Variants in BMX observed in about 807,000 individuals in gnomAD.
BMX encodes the protein cytoplasmic tyrosine-protein kinase BMX.
In BMX, 31 loss-of-function variants were observed where a neutral mutation model predicts 59.2. That is an observed-to-expected ratio of 0.52 (90% CI 0.39 to 0.71). The LOEUF is 0.71. BMX is among the 30% of genes least tolerant of loss of function. The pLI is 0.00. For missense variants in BMX, 474 were observed against 491.7 expected (o/e 0.96, Z 0.34); for synonymous variants, 185 against 181.0 (o/e 1.02, Z -0.18).
chrX:15,522,253 C>G lies in BMX; in HGVS notation c.511-93C>G, dbSNP rs1924493868. On this transcript the variant is annotated intron_variant, in intron 6 of 18. Coordinates refer to ENST00000348343, the MANE Select transcript of BMX (RefSeq NM_203281.3). The stretch of plus-strand genomic sequence containing the variant: ...TCCCTCCCTTCTCTCCTTCCTTTCT[C>G]TCTCTTTCAAGAGCTGATATACTTA... 1.9e-5 allele frequency: 19 copies of G among 1,017,873 alleles called. No individual in the cohort carries two copies. In the South Asian group the frequency reaches 3.5e-4, roughly 19 times the overall value. The allele number at this position is 1,017,873 out of a possible 1,213,427, so 83.9% of individuals were successfully genotyped here.
chrX:15,527,283 T>TATATATATATACAC (rs1285065649), intron 9 of BMX, among the ~76,000 whole-genome samples: 5 of 65,866 alleles, frequency 7.6e-5, no homozygotes, highest in Non-Finnish European at 1.1e-4. Flanking sequence ...TATATATATA[T>TATATATATATACAC]ACACACACAC....
intron 11 of BMX, among the ~76,000 whole-genome samples, chrX:15,533,555 C>G (rs778242377): frequency 8.9e-6 from 1 of 112,538 alleles, no homozygotes; most frequent in South Asian, 3.7e-4. Context: ...GAACTAAACT[C>G]AAAGCCTGGT....
intron 7 of BMX, among the ~76,000 whole-genome samples, chrX:15,524,673 T>A (rs1454164079): frequency 1.8e-5 from 2 of 112,033 alleles, no homozygotes; most frequent in Non-Finnish European, 3.8e-5. Context: ...AGGAAACTTG[T>A]TTCTATGAAC....
chrX:15,545,002 A>G (rs1011254732), intron 16 of BMX, among the ~76,000 whole-genome samples: 2 of 111,802 alleles, frequency 1.8e-5, no homozygotes, highest in African/African-American at 3.3e-5. Context: ...ATTAAGAGTC[A>G]TTATGTGTTT....
chrX:15,522,850 A>G (rs985637236), intron 7 of BMX, among the ~76,000 whole-genome samples: 2 of 111,881 alleles, frequency 1.8e-5, no homozygotes, highest in African/African-American at 3.3e-5. Context: ...TCTCCCCCCA[A>G]ATATCTCCAC....
At chrX:15,515,982 C>A (rs1017926538) in intron 4 of BMX, 130 bp from the exon 5 acceptor site, 1 of 882,245 alleles carries the variant, frequency 1.1e-6, no homozygotes, top group Non-Finnish European at 1.6e-6. Flanking sequence ...CCTTCCGGAA[C>A]CATTTGCTCT....
chrX:15,555,990 TA>T, intron 18 of BMX, 82 bp from the exon 19 acceptor site: 1 of 940,303 alleles, frequency 1.1e-6, no homozygotes, highest in Non-Finnish European at 1.5e-6. Flanking sequence ...CTTTAGGACT[TA>T]GATGTAAATA....
At position 15,511,437 on chromosome X, in the gene BMX, A is replaced by G. The variant is rs1389419278; in HGVS notation, c.244A>G (p.Ile82Val). The change falls in exon 4 of 19, where the codon ATT becomes GTT. Residue 82 changes from isoleucine (I) to valine (V), a missense_variant and splice_region_variant. By Grantham distance (29) the Ile-to-Val change is conservative. Transcript: ENST00000348343. ...TPVERQYPFQIVYKDGLLYVY... is the reference protein window; with the variant it reads ...TPVERQYPFQVVYKDGLLYVY... The stretch of plus-strand genomic sequence containing the variant: ...ACACACCAAATATTTTCCTTTCCAG[A>G]TTGTCTATAAAGATGGGCTTCTCTA... The G allele has an allele frequency of 8.4e-7, 1 of 1,197,496 alleles. No homozygotes were observed. The highest frequency in any genetic ancestry group is 1.8e-5 in the South Asian group (1 of 54,931).
rs1926277680 is a variant in BMX, at chrX:15,553,242, C to T, written c.1954-2831C>T. Reference sequence around the variant, plus strand: ...TGTGTTCACAGGCAGAGTAGTTGATCTCACACAACGAGTGCTCTCACAAAA... The same window carrying T: ...TGTGTTCACAGGCAGAGTAGTTGATTTCACACAACGAGTGCTCTCACAAAA... On this transcript the variant is annotated intron_variant, in intron 18 of 18. Coordinates refer to ENST00000348343, the MANE Select transcript of BMX (RefSeq NM_203281.3). Among the ~76,000 whole-genome samples the T allele has an allele frequency of 2.7e-5, 3 of 112,180 alleles. No individual in the cohort carries two copies. In the South Asian group the frequency reaches 1.1e-3, roughly 42 times the overall value.
chrX:15,553,037 G>A (rs1474387935), intron 18 of BMX, among the ~76,000 whole-genome samples: 4 of 112,203 alleles, frequency 3.6e-5, no homozygotes, highest in Non-Finnish European at 7.5e-5. Flanking sequence ...TCTTAGGTGC[G>A]TTACTCAATC....
intron 14 of BMX, among the ~76,000 whole-genome samples, chrX:15,538,204 TCTCTCTCTCTCC>T (rs918688228): frequency 1.4e-4 from 15 of 107,659 alleles, no homozygotes; most frequent in African/African-American, 5.1e-4. Context: ...TCTCTCCTTC[TCTCTCTCTCTCC>T]CTCTCTCTCC....
At position 15,534,343 on chromosome X, in the gene BMX, A is replaced by T. The variant is rs1439942596; in HGVS notation, c.1147+4A>T. 1 of 1,155,794 alleles carries T rather than the reference A, an allele frequency of 8.7e-7. No individual in the cohort carries two copies. Among genetic ancestry groups the T allele is most frequent in the Non-Finnish European group, 1.1e-6 (1 of 871,722 alleles). ...TATCATCAACACAATTCAGCAGGTAACTTATTTTAGTTTTTCTTTTATGGG... is the reference window on the plus strand; with the variant it reads ...TATCATCAACACAATTCAGCAGGTATCTTATTTTAGTTTTTCTTTTATGGG... On this transcript the variant is annotated splice_donor_region_variant and intron_variant, in intron 12 of 18. Coordinates refer to ENST00000348343, the MANE Select transcript of BMX (RefSeq NM_203281.3).
At chrX:15,546,699 C>T (rs1428597512) in intron 16 of BMX, 104 bp from the exon 17 acceptor site, 7 of 598,777 alleles carry the variant, frequency 1.2e-5, no homozygotes, top group Non-Finnish European at 1.8e-5. Context: ...ACAAAAGTTC[C>T]AGAAAACTGA....
intron 11 of BMX, 77 bp downstream of exon 11, chrX:15,531,484 G>C (rs1174516667): frequency 1.2e-6 from 1 of 842,564 alleles, no homozygotes; most frequent in Non-Finnish European, 1.7e-6. Context: ...TCACATTTTG[G>C]GATAAGACAT....
At chrX:15,510,055 C>T (rs779647347) in intron 3 of BMX, among the ~76,000 whole-genome samples, 56 of 111,594 alleles carry the variant, frequency 5.0e-4, no homozygotes, top group African/African-American at 1.5e-3. Flanking sequence ...TTAGAGAGCA[C>T]TAAGTAGTCC....
At chrX:15,544,271 G>A (rs1458776090) in intron 16 of BMX, among the ~76,000 whole-genome samples, 3 of 110,509 alleles carry the variant, frequency 2.7e-5, no homozygotes, top group African/African-American at 9.9e-5. Flanking sequence ...CACATACCGT[G>A]GAAGCTATGG....
At chrX:15,533,261 T>C (rs1925169045) in intron 11 of BMX, among the ~76,000 whole-genome samples, 1 of 112,132 alleles carries the variant, frequency 8.9e-6, no homozygotes, top group African/African-American at 3.2e-5. Flanking sequence ...TCTTGTCATG[T>C]GGCTTTCTTG....
intron 3 of BMX, 141 bp from the exon 4 acceptor site, chrX:15,511,296 T>G: frequency 2.4e-6 from 1 of 418,507 alleles, no homozygotes; most frequent in Non-Finnish European, 4.0e-6. Context: ...TTTAAGAAAA[T>G]TTTTTTCATC....
intron 10 of BMX, among the ~76,000 whole-genome samples, chrX:15,531,015 A>G (rs962376886): frequency 2.7e-5 from 3 of 111,537 alleles, no homozygotes; most frequent in African/African-American, 9.8e-5. Flanking sequence ...GTTTTCTAAA[A>G]CCTTCCAAAG....
Sources: allele counts gnomAD v4.1 joint callset (sites outside exome capture counted in the v4.1 genomes callset), GRCh38; gene constraint gnomAD v4.1.1; transcripts MANE v1.5; gene names NCBI Gene and HGNC (gene_info 2026-07-23, HGNC 2026-07-21).